Variants in RPS6KC1 observed in about 807,000 individuals in gnomAD.
RPS6KC1 encodes ribosomal protein S6 kinase C1.
RPS6KC1 carries 54 observed loss-of-function variants against 103.8 expected under a neutral mutation model. That is an observed-to-expected ratio of 0.52 (90% confidence interval 0.42 to 0.65). The LOEUF is 0.65. RPS6KC1 is among the 30% of genes least tolerant of loss of function. RPS6KC1 has a pLI of 0.00. For synonymous variants in RPS6KC1, 439 were observed against 438.7 expected, an observed-to-expected ratio of 1.00 and a Z score of -0.01; for missense variants, 1,151 against 1,253.8, an observed-to-expected ratio of 0.92 and a Z score of 1.24.
chr1:213,162,189 A>G (rs542269158), intron 6 of RPS6KC1, among the ~76,000 whole-genome samples: 2 of 152,336 alleles, frequency 1.3e-5, no homozygotes, highest in Admixed American at 6.5e-5. Flanking sequence ...TTAGAACATA[A>G]GAGAAACTTA....
chr1:213,148,013 A>G (rs547955019), intron 6 of RPS6KC1, among the ~76,000 whole-genome samples: 1 of 152,320 alleles, frequency 6.6e-6, no homozygotes, highest in Admixed American at 6.5e-5. Flanking sequence ...CTGTTGGCAT[A>G]TAGAAATGCT....
chr1:213,783,603 C>A, the RPS6KC1 span, among the ~76,000 whole-genome samples: 1 of 151,542 alleles, frequency 6.6e-6, no homozygotes, highest in African/African-American at 2.4e-5. Flanking sequence ...AAACATGAAA[C>A]GAAAAAGTGG....
the RPS6KC1 span, among the ~76,000 whole-genome samples, chr1:213,676,654 A>G: frequency 6.6e-6 from 1 of 152,078 alleles, no homozygotes; most frequent in Non-Finnish European, 1.5e-5. Context: ...CTTCCATTTC[A>G]CTTTGCACTT....
the RPS6KC1 span, among the ~76,000 whole-genome samples, chr1:213,591,896 C>T: frequency 1.1e-3 from 169 of 152,308 alleles, no homozygotes; most frequent in Non-Finnish European, 7.3e-5. Flanking sequence ...TTACCTGTGT[C>T]AATCAGTTAG....
chr1:213,584,493 T>G, the RPS6KC1 span, among the ~76,000 whole-genome samples: 1 of 152,250 alleles, frequency 6.6e-6, no homozygotes, highest in South Asian at 2.1e-4. Flanking sequence ...CAGCTGTTTC[T>G]ATATCACCAT....
chr1:213,344,000 T>A, the RPS6KC1 span, among the ~76,000 whole-genome samples: 1 of 152,074 alleles, frequency 6.6e-6, no homozygotes, highest in Admixed American at 6.6e-5. Flanking sequence ...AAGTGTGAGG[T>A]CTAAATAAAA....
chr1:213,126,109 A>T (rs1558371885), intron 5 of RPS6KC1, among the ~76,000 whole-genome samples: 1 of 152,054 alleles, frequency 6.6e-6, no homozygotes, highest in African/African-American at 2.4e-5. Context: ...AACCTTATCT[A>T]TTTGTTTATC....
intron 12 of RPS6KC1, among the ~76,000 whole-genome samples, chr1:213,245,416 A>C (rs905321704): frequency 6.6e-6 from 1 of 152,088 alleles, no homozygotes; most frequent in Non-Finnish European, 1.5e-5. Context: ...ATTATTGTCC[A>C]AGTAACTCTA....
At chr1:213,217,823 C>A (rs1296811668) in intron 8 of RPS6KC1, among the ~76,000 whole-genome samples, 1 of 152,104 alleles carries the variant, frequency 6.6e-6, no homozygotes, top group African/African-American at 2.4e-5. Context: ...AATTCAACAA[C>A]CCTTCATGCT....
chr1:213,138,331 T>C (rs2086619652), intron 6 of RPS6KC1, among the ~76,000 whole-genome samples: 1 of 152,098 alleles, frequency 6.6e-6, no homozygotes, highest in Non-Finnish European at 1.5e-5. Flanking sequence ...ATTGAGCAAG[T>C]CTTTTGGGGC....
chr1:213,674,438 G>A, the RPS6KC1 span, among the ~76,000 whole-genome samples: 6 of 152,188 alleles, frequency 3.9e-5, no homozygotes, highest in Admixed American at 3.9e-4. Context: ...TTAGGATAAT[G>A]ACTCCATCCA....
chr1:213,071,529 T>A (rs1303219898), intron 2 of RPS6KC1, among the ~76,000 whole-genome samples: 1 of 152,200 alleles, frequency 6.6e-6, no homozygotes, highest in Non-Finnish European at 1.5e-5. Flanking sequence ...TGTTAAGTTT[T>A]AGTAGGTGTT....
intron 1 of RPS6KC1, among the ~76,000 whole-genome samples, chr1:213,061,682 T>C (rs2077853734): frequency 6.6e-6 from 1 of 151,872 alleles, no homozygotes; most frequent in Non-Finnish European, 1.5e-5. Flanking sequence ...AAATCAGGAA[T>C]GCATGCATTA....
chr1:213,838,770 C>T, the RPS6KC1 span, among the ~76,000 whole-genome samples: 17 of 152,176 alleles, frequency 1.1e-4, no homozygotes, highest in African/African-American at 3.6e-4. Flanking sequence ...AACTCTCCCT[C>T]TACTGGCACC....
At chr1:213,640,934 G>T in the RPS6KC1 span, among the ~76,000 whole-genome samples, 1 of 151,902 alleles carries the variant, frequency 6.6e-6, no homozygotes, top group African/African-American at 2.4e-5. Flanking sequence ...TGTTTTTGAA[G>T]TTGCAACTAT....
the RPS6KC1 span, among the ~76,000 whole-genome samples, chr1:213,388,295 G>A: frequency 1.3e-5 from 2 of 152,234 alleles, no homozygotes; most frequent in Non-Finnish European, 2.9e-5. Flanking sequence ...CGAAGACGTG[G>A]CACACAAAGC....
the RPS6KC1 span, among the ~76,000 whole-genome samples, chr1:213,717,897 A>G: frequency 6.6e-6 from 1 of 152,164 alleles, no homozygotes; most frequent in Non-Finnish European, 1.5e-5. Flanking sequence ...CCTTAGGTCA[A>G]TGGTCATACA....
chr1:213,634,388 C>T, the RPS6KC1 span, among the ~76,000 whole-genome samples: 1 of 152,180 alleles, frequency 6.6e-6, no homozygotes, highest in Non-Finnish European at 1.5e-5. Flanking sequence ...TCTCTCAGAC[C>T]ACAGTGCAAT....
At chr1:213,550,459 C>T in the RPS6KC1 span, among the ~76,000 whole-genome samples, 3 of 152,070 alleles carry the variant, frequency 2.0e-5, no homozygotes, top group Admixed American at 6.6e-5. Context: ...GTTAATACAT[C>T]GATTCGCTTC....
Sources: gnomAD v4.1 joint callset for allele counts (sites outside exome capture counted in the v4.1 genomes callset) on GRCh38, gnomAD v4.1.1 for gene constraint, MANE v1.5 for transcripts, NCBI Gene and HGNC (gene_info 2026-07-23, HGNC 2026-07-21) for gene names.